Variants in CAST observed in about 807,000 individuals in gnomAD.
CAST encodes the protein calpastatin.
CAST carries 76 observed loss-of-function variants against 119.6 expected under a neutral mutation model. That is an observed-to-expected ratio of 0.64 (90% CI 0.53 to 0.77). The LOEUF is 0.77. Ranked by LOEUF, CAST falls within the 30% of genes least tolerant of loss-of-function variation. The pLI, the probability that CAST is intolerant of heterozygous loss-of-function variation, is 0.00. For missense variants in CAST, 953 were observed against 946.5 expected, an observed-to-expected ratio of 1.01 and a Z score of -0.09; for synonymous variants, 319 against 331.6, an observed-to-expected ratio of 0.96 and a Z score of 0.41.
At chr5:96,636,689 G>A (rs1398875421) in intron 1 of CAST, among the ~76,000 whole-genome samples, 1 of 152,182 alleles carries the variant, frequency 6.6e-6, no homozygotes, top group African/African-American at 2.4e-5. Flanking sequence ...ATGAAAGGTT[G>A]AGTAGCATTT....
chr5:96,404,251 G>A, the CAST span, among the ~76,000 whole-genome samples: 1 of 152,148 alleles, frequency 6.6e-6, no homozygotes. Flanking sequence ...TCAAAACTTG[G>A]TTAAGGTATT....
chr5:96,285,767 G>T, the CAST span, among the ~76,000 whole-genome samples: 1 of 152,076 alleles, frequency 6.6e-6, no homozygotes, highest in Non-Finnish European at 1.5e-5. Context: ...TCAGTGCTTT[G>T]TTTTGTTCCT....
the CAST span, among the ~76,000 whole-genome samples, chr5:96,466,494 G>C: frequency 1.3e-5 from 2 of 152,112 alleles, no homozygotes; most frequent in South Asian, 4.1e-4. Context: ...CCTCGTGCTT[G>C]CCACCCTATT....
chr5:96,121,758 G>A, the CAST span, among the ~76,000 whole-genome samples: 1 of 152,048 alleles, frequency 6.6e-6, no homozygotes, highest in Non-Finnish European at 1.5e-5. Context: ...AAATGGGCTG[G>A]CAATGCAGTG....
the CAST span, among the ~76,000 whole-genome samples, chr5:95,999,669 A>G: frequency 3.9e-5 from 6 of 152,136 alleles, no homozygotes; most frequent in African/African-American, 1.4e-4. Context: ...TGACATTTCA[A>G]TTGTTTCCAA....
the CAST span, among the ~76,000 whole-genome samples, chr5:96,075,377 C>T: frequency 6.6e-6 from 1 of 152,144 alleles, no homozygotes; most frequent in Non-Finnish European, 1.5e-5. Context: ...CTATTAGTTA[C>T]GGACATTTTG....
chr5:95,962,645 G>A, the CAST span, among the ~76,000 whole-genome samples: 3 of 152,278 alleles, frequency 2.0e-5, no homozygotes, highest in African/African-American at 7.2e-5. Context: ...TGGTATAATA[G>A]AGAATTGAGC....
At chr5:96,479,809 G>A in the CAST span, among the ~76,000 whole-genome samples, 3 of 152,084 alleles carry the variant, frequency 2.0e-5, no homozygotes, top group Non-Finnish European at 2.9e-5. Context: ...TATGGAGTGA[G>A]GTGGGAATTG....
the CAST span, among the ~76,000 whole-genome samples, chr5:95,993,120 T>G: frequency 6.6e-6 from 1 of 152,222 alleles, no homozygotes; most frequent in Non-Finnish European, 1.5e-5. Context: ...AGAGCTTTAC[T>G]TATATGATCA....
At chr5:96,371,176 T>C in the CAST span, among the ~76,000 whole-genome samples, 1 of 152,214 alleles carries the variant, frequency 6.6e-6, no homozygotes. Context: ...ACTAAGTAAA[T>C]GGAGTCACTT....
chr5:96,148,816 G>A, the CAST span, among the ~76,000 whole-genome samples: 3 of 152,226 alleles, frequency 2.0e-5, no homozygotes, highest in African/African-American at 7.2e-5. Context: ...GTATAACAGT[G>A]GAAAGAGCAA....
At chr5:96,255,165 G>T in the CAST span, among the ~76,000 whole-genome samples, 1 of 152,122 alleles carries the variant, frequency 6.6e-6, no homozygotes, top group Non-Finnish European at 1.5e-5. Flanking sequence ...TAAATAGCAG[G>T]CATGTTTCAG....
chr5:96,662,428 C>T lies in CAST; in HGVS notation c.6C>T (p.Ser2=), dbSNP rs1415450362. The T allele has an allele frequency of 2.1e-6, 3 of 1,446,094 alleles. No homozygotes were observed. The Admixed American group carries it at 7.7e-5, about 37-fold the overall frequency. 89.6% of individuals were successfully genotyped at this position (1,446,094 alleles called of 1,614,324 possible). ...GCGGCCGCAGCGGCCTCGCCATGTC[C>T]CAGCCCGGCCAGAAGCCCGCCGCCT... The part of the protein sequence containing the change: M[S]QPGQKPAASP... Residue 2 remains serine, a synonymous_variant, in exon 1 of 32, where the codon TCC becomes TCT. Transcript: ENST00000675179.
the CAST span, among the ~76,000 whole-genome samples, chr5:96,021,505 G>A: frequency 2.6e-5 from 4 of 151,982 alleles, no homozygotes; most frequent in South Asian, 4.2e-4. Flanking sequence ...GAGTGCAGTG[G>A]CGCGATCTCT....
intron 1 of CAST, among the ~76,000 whole-genome samples, chr5:96,607,371 C>G (rs186486852): frequency 1.2e-3 from 182 of 152,252 alleles, no homozygotes; most frequent in Middle Eastern, 3.4e-3. Context: ...TAAGTAAAAG[C>G]CACAGCACTT....
At chr5:96,690,515 C>G (rs904725926) in intron 2 of CAST, among the ~76,000 whole-genome samples, 10 of 152,190 alleles carry the variant, frequency 6.6e-5, no homozygotes, top group African/African-American at 2.4e-4. Flanking sequence ...CAGGCATAAA[C>G]CACTGCACCT....
rs187295680 is a variant in CAST at position 96,676,780 on chromosome 5, C to T, written c.138+1179C>T. On this transcript the variant is annotated intron_variant, in intron 2 of 31. Transcript: ENST00000675179. ...GAAAGTCTACCTAGTGTCAGCCAGG[C>T]ACGGTGGCTCATGCCTGTAATCCCA... 5.4e-4 allele frequency among the ~76,000 whole-genome samples: 82 copies of T among 151,494 alleles called. 1 individual carries two copies. Among genetic ancestry groups the T allele is most frequent in the African/African-American group, 1.9e-3 (79 of 41,354 alleles).
chr5:96,425,066 A>AAG, the CAST span, among the ~76,000 whole-genome samples: 135 of 140,438 alleles, frequency 9.6e-4, 1 homozygote, highest in African/African-American at 3.4e-3. Flanking sequence ...GAAAGAAAGA[A>AAG]AGAAAGAAAA....
chr5:96,477,257 A>G, the CAST span, among the ~76,000 whole-genome samples: 1 of 151,662 alleles, frequency 6.6e-6, no homozygotes, highest in Non-Finnish European at 1.5e-5. Context: ...CAGGCGATAT[A>G]TAGAAAGATG....
Sources: allele counts gnomAD v4.1 joint callset (sites outside exome capture counted in the v4.1 genomes callset), GRCh38; gene constraint gnomAD v4.1.1; transcripts MANE v1.5; gene names NCBI Gene and HGNC (gene_info 2026-07-23, HGNC 2026-07-21).